Variants in ADCK1 observed in about 807,000 individuals in gnomAD.
ADCK1 encodes the protein aarF domain containing kinase 1.
ADCK1 carries 41 observed loss-of-function variants against 52.3 expected under a neutral mutation model. The observed-to-expected ratio is 0.78, with a 90% CI of 0.61 to 1.02. The LOEUF (loss-of-function observed/expected upper bound fraction) is 1.02, where lower values mean the gene tolerates loss of function less well. ADCK1 is among the 50% of genes least tolerant of loss of function. The probability of loss-of-function intolerance (pLI) is 0.00; values close to 1 mark genes in which losing one functional copy is unlikely to be tolerated. For missense variants in ADCK1, 658 were observed against 679.5 expected (o/e 0.97, Z 0.35); for synonymous variants, 250 against 274.6 (o/e 0.91, Z 0.89).
At chr14:77,849,929 C>T (rs1261902451) in intron 3 of ADCK1, among the ~76,000 whole-genome samples, 2 of 152,106 alleles carry the variant, frequency 1.3e-5, no homozygotes, top group African/African-American at 4.8e-5. Flanking sequence ...TGCCCATAAT[C>T]CCAGTGCTTT....
intron 7 of ADCK1, among the ~76,000 whole-genome samples, chr14:77,919,911 G>A (rs745570879): frequency 1.3e-5 from 2 of 152,116 alleles, no homozygotes; most frequent in Non-Finnish European, 2.9e-5. Flanking sequence ...CATGTCCTTA[G>A]CCCACTTTTT....
intron 3 of ADCK1, among the ~76,000 whole-genome samples, chr14:77,844,518 C>G (rs184283222): frequency 6.0e-4 from 92 of 152,274 alleles, no homozygotes; most frequent in African/African-American, 1.9e-3. Context: ...AGCTCTCCCC[C>G]CTGTTGGACT....
intron 1 of ADCK1, among the ~76,000 whole-genome samples, chr14:77,805,601 G>T (rs2081207195): frequency 6.6e-6 from 1 of 152,048 alleles, no homozygotes; most frequent in Non-Finnish European, 1.5e-5. Context: ...AAAAATATTT[G>T]TCAACCTCTG....
intron 3 of ADCK1, among the ~76,000 whole-genome samples, chr14:77,836,538 C>T (rs2081962757): frequency 6.6e-6 from 1 of 152,250 alleles, no homozygotes; most frequent in African/African-American, 2.4e-5. Flanking sequence ...CTGTGATTGC[C>T]ATAACAAATT....
intron 9 of ADCK1, among the ~76,000 whole-genome samples, chr14:77,927,635 G>C (rs1196427017): frequency 1.3e-5 from 2 of 152,300 alleles, no homozygotes; most frequent in East Asian, 3.9e-4. Context: ...GTGAGTAAGG[G>C]GGCGGAGCAG....
chr14:77,827,195 T>A (rs2081729856), intron 3 of ADCK1, among the ~76,000 whole-genome samples: 1 of 150,916 alleles, frequency 6.6e-6, no homozygotes, highest in Non-Finnish European at 1.5e-5. Context: ...CTACTAAAAA[T>A]ACAAAAATTA....
chr14:77,864,791 T>C (rs1157226734), intron 4 of ADCK1, among the ~76,000 whole-genome samples: 2 of 151,984 alleles, frequency 1.3e-5, no homozygotes, highest in Non-Finnish European at 2.9e-5. Flanking sequence ...ATCTGCAGAG[T>C]GGCCCAGCAG....
At chr14:77,863,459 T>C (rs1388735633) in intron 4 of ADCK1, among the ~76,000 whole-genome samples, 4 of 151,244 alleles carry the variant, frequency 2.6e-5, no homozygotes, top group Non-Finnish European at 4.4e-5. Flanking sequence ...TGCACACACA[T>C]ACACACACGC....
At chr14:77,889,581 C>T (rs1041389888) in intron 5 of ADCK1, among the ~76,000 whole-genome samples, 5 of 152,338 alleles carry the variant, frequency 3.3e-5, no homozygotes, top group Admixed American at 3.3e-4. Context: ...CTTGCCCCCC[C>T]AGTATGCCAG....
intron 1 of ADCK1, among the ~76,000 whole-genome samples, chr14:77,814,815 T>C (rs2081409897): frequency 6.6e-6 from 1 of 151,660 alleles, no homozygotes; most frequent in Non-Finnish European, 1.5e-5. Context: ...ACCCCTAGAG[T>C]TGGTAGTTCG....
chr14:77,888,622 A>T (rs1297781788), intron 5 of ADCK1, among the ~76,000 whole-genome samples: 1 of 152,094 alleles, frequency 6.6e-6, no homozygotes, highest in Non-Finnish European at 1.5e-5. Flanking sequence ...TAATGGGAGT[A>T]AGGGAGATGG....
At chr14:77,878,707 T>C (rs1297827412) in intron 4 of ADCK1, among the ~76,000 whole-genome samples, 3 of 152,218 alleles carry the variant, frequency 2.0e-5, no homozygotes, top group Admixed American at 2.0e-4. Flanking sequence ...GTCCAGGACC[T>C]CTGGTCTCTT....
chr14:77,894,626 C>T (rs777884420), intron 5 of ADCK1, among the ~76,000 whole-genome samples: 2 of 151,562 alleles, frequency 1.3e-5, no homozygotes, highest in Non-Finnish European at 1.5e-5. Context: ...GTAAAGTGTT[C>T]GTAGCACAGT....
intron 6 of ADCK1, among the ~76,000 whole-genome samples, chr14:77,903,486 C>T (rs892172923): frequency 3.9e-5 from 6 of 152,174 alleles, no homozygotes; most frequent in African/African-American, 1.2e-4. Context: ...GCAAATATGG[C>T]GTCAGGGGGA....
chr14:77,822,325 A>T, intron 2 of ADCK1, 110 bp from the exon 3 acceptor site: 1 of 837,072 alleles, frequency 1.2e-6, no homozygotes, highest in Non-Finnish European at 2.0e-6. Flanking sequence ...GGGACTGGCC[A>T]CTCCCCCAGA....
intron 5 of ADCK1, among the ~76,000 whole-genome samples, chr14:77,895,935 A>G (rs1239893006): frequency 6.6e-6 from 1 of 152,162 alleles, no homozygotes; most frequent in Non-Finnish European, 1.5e-5. Flanking sequence ...ACTGACTTCT[A>G]TTCAAAGAAC....
In ADCK1 at chr14:77,829,163, AG is replaced by A. The variant is rs1208776893; in HGVS notation, c.219+6647del. Among the ~76,000 whole-genome samples the A allele has an allele frequency of 3.3e-5, 5 of 151,268 alleles. 1 individual carries two copies. ...ATGGTATTTAGAAACCAAGTTGTAG[AG>A]GTTAGGTATATCGTTTTGCTACTGG... On this transcript the variant is annotated intron_variant, in intron 3 of 10. Coordinates refer to ENST00000238561, the MANE Select transcript of ADCK1 (RefSeq NM_020421.4).
At chr14:77,912,433 C>T (rs991906758) in intron 7 of ADCK1, among the ~76,000 whole-genome samples, 3 of 138,254 alleles carry the variant, frequency 2.2e-5, no homozygotes, top group African/African-American at 2.7e-5. Context: ...TACGGAGGAG[C>T]GTGTGTGTGT....
At chr14:77,814,672 T>C (rs1594860159) in intron 1 of ADCK1, among the ~76,000 whole-genome samples, 1 of 114,400 alleles carries the variant, frequency 8.7e-6, no homozygotes, top group African/African-American at 3.5e-5. Context: ...CATTCCAGCC[T>C]GGGTGACAGA....
Sources: allele counts gnomAD v4.1 joint callset (sites outside exome capture counted in the v4.1 genomes callset), GRCh38; gene constraint gnomAD v4.1.1; transcripts MANE v1.5; gene names NCBI Gene and HGNC (gene_info 2026-07-23, HGNC 2026-07-21).